ABLIM1: variants seen among roughly 807,000 people sequenced by gnomAD.
The protein encoded by ABLIM1 is actin-binding LIM protein 1.
Under a neutral mutation model 107.0 loss-of-function variants are expected in ABLIM1, and 40 were observed. The observed-to-expected ratio is 0.37, with a 90% CI of 0.29 to 0.49. The LOEUF (loss-of-function observed/expected upper bound fraction) is 0.49. ABLIM1 is among the 20% of genes least tolerant of loss of function. The pLI, the probability that ABLIM1 is intolerant of heterozygous loss-of-function variation, is 0.97. For synonymous variants in ABLIM1, 357 were observed against 357.3 expected (o/e 1.00, Z 0.01); for missense variants, 857 against 1,008.5 (o/e 0.85, Z 2.04).
chr10:114,772,256 T>A (rs1324516599), upstream of ABLIM1, among the ~76,000 whole-genome samples: 1 of 152,132 alleles, frequency 6.6e-6, no homozygotes, highest in Non-Finnish European at 1.5e-5. Flanking sequence ...CTCAGATTAG[T>A]CATATCCCTG....
chr10:114,537,010 C>A (rs1170170171), intron 6 of ABLIM1, among the ~76,000 whole-genome samples: 1 of 152,110 alleles, frequency 6.6e-6, no homozygotes, highest in Non-Finnish European at 1.5e-5. Context: ...GTAAACCAAC[C>A]AAGCAGTACA....
intron 8 of ABLIM1, chr10:114,485,361 G>C (rs773019057): frequency 6.2e-7 from 1 of 1,612,872 alleles, no homozygotes; most frequent in South Asian, 1.1e-5. Flanking sequence ...ATCGGATGAA[G>C]AACGCCGAAT....
chr10:114,568,275 T>C (rs992947874), intron 4 of ABLIM1, among the ~76,000 whole-genome samples: 3 of 150,808 alleles, frequency 2.0e-5, no homozygotes, highest in Non-Finnish European at 4.4e-5. Flanking sequence ...GGAAAAGAGC[T>C]AGGGCATGCG....
At chr10:114,718,086 G>GAAGC (rs2081737296) in intron 1 of ABLIM1, among the ~76,000 whole-genome samples, 2 of 89,530 alleles carry the variant, frequency 2.2e-5, no homozygotes, top group African/African-American at 3.3e-5. Flanking sequence ...AGGAAGGAAG[G>GAAGC]AAGGAAGGAA....
intron 8 of ABLIM1, among the ~76,000 whole-genome samples, chr10:114,475,069 G>A (rs562912947): frequency 2.6e-5 from 4 of 152,198 alleles, no homozygotes; most frequent in South Asian, 4.2e-4. Flanking sequence ...GTCTACTAGC[G>A]GCATGAGAAC....
At chr10:114,796,721 C>T in the ABLIM1 span, among the ~76,000 whole-genome samples, 1 of 152,148 alleles carries the variant, frequency 6.6e-6, no homozygotes, top group Non-Finnish European at 1.5e-5. Flanking sequence ...GTAATCTCCT[C>T]CCTCCCCACT....
chr10:114,556,475 C>T (rs2068744616), intron 4 of ABLIM1, among the ~76,000 whole-genome samples: 1 of 152,154 alleles, frequency 6.6e-6, no homozygotes, highest in African/African-American at 2.4e-5. Context: ...TGTTCTCATG[C>T]TTGAACTGAC....
upstream of ABLIM1, among the ~76,000 whole-genome samples, chr10:114,770,879 TG>T (rs2083016016): frequency 6.6e-6 from 1 of 152,242 alleles, no homozygotes; most frequent in South Asian, 2.1e-4. Context: ...TCACCCAGGT[TG>T]GAGTGCAGTG....
At chr10:114,527,338 T>G (rs1015267894) in intron 6 of ABLIM1, among the ~76,000 whole-genome samples, 3 of 152,234 alleles carry the variant, frequency 2.0e-5, no homozygotes, top group African/African-American at 7.2e-5. Flanking sequence ...CAGTACTGTC[T>G]GAGACAAATA....
At chr10:114,610,571 GA>G (rs2140215708) in intron 1 of ABLIM1, 1 of 152,250 alleles carries the variant, frequency 6.6e-6, no homozygotes, top group Non-Finnish European at 1.5e-5. Flanking sequence ...ATGGAGCCCA[GA>G]AAACAAGAAA....
At position 114,468,297 on chromosome 10, in the gene ABLIM1, T is replaced by C. The variant is rs138132630; in HGVS notation, c.1276-81A>G. 455 of 1,358,220 alleles carry C rather than the reference T, an allele frequency of 3.3e-4. No individual in the cohort carries two copies. The African/African-American group carries it at 5.1e-3, about 15-fold the overall frequency. 84.1% of individuals were successfully genotyped at this position (1,358,220 alleles called of 1,614,324 possible). On this transcript the variant is annotated intron_variant, in intron 10 of 22. Coordinates refer to ENST00000533213, the MANE Select transcript of ABLIM1 (RefSeq NM_002313.7). Reference sequence around the variant, plus strand: ...TGTTTGTTTGTTTGTTTGTTTGAGATGGAGTCTCGCTCTGTCGCCCAGGCT... The same window carrying C: ...TGTTTGTTTGTTTGTTTGTTTGAGACGGAGTCTCGCTCTGTCGCCCAGGCT...
chr10:114,680,112 G>A (rs1011975645), intron 1 of ABLIM1, among the ~76,000 whole-genome samples: 2 of 151,788 alleles, frequency 1.3e-5, no homozygotes, highest in South Asian at 2.1e-4. Context: ...ACTGTTCAAC[G>A]TTATAAATAA....
At chr10:114,557,715 C>A (rs1342930355) in intron 4 of ABLIM1, among the ~76,000 whole-genome samples, 1 of 132,936 alleles carries the variant, frequency 7.5e-6, no homozygotes, top group Non-Finnish European at 1.5e-5. Context: ...GAAATTGGCC[C>A]TTCTGGTCTT....
chr10:114,611,550 C>A (rs2076812039), intron 1 of ABLIM1, among the ~76,000 whole-genome samples: 1 of 152,066 alleles, frequency 6.6e-6, no homozygotes, highest in Non-Finnish European at 1.5e-5. Context: ...CCTTGCTATT[C>A]CTCCAAACAT....
chr10:114,444,929 G>A (rs2060788997), intron 16 of ABLIM1, among the ~76,000 whole-genome samples: 1 of 152,240 alleles, frequency 6.6e-6, no homozygotes, highest in African/African-American at 2.4e-5. Context: ...TCCTTCAGCA[G>A]AACTGCATGA....
At chr10:114,533,046 A>T (rs1315040268) in intron 6 of ABLIM1, among the ~76,000 whole-genome samples, 1 of 152,172 alleles carries the variant, frequency 6.6e-6, no homozygotes, top group Non-Finnish European at 1.5e-5. Flanking sequence ...ATTTTTAAAA[A>T]ATTTTTAAAC....
chr10:114,771,469 T>C (rs957179579), upstream of ABLIM1, among the ~76,000 whole-genome samples: 1 of 152,198 alleles, frequency 6.6e-6, no homozygotes, highest in Non-Finnish European at 1.5e-5. Flanking sequence ...CTTCTTCAGG[T>C]TAAGTATATA....
chr10:114,632,764 T>C, intron 1 of ABLIM1: 9 of 985,382 alleles, frequency 9.1e-6, no homozygotes, highest in Non-Finnish European at 1.1e-5. Context: ...CATCGGAGTT[T>C]TTAGACAAGC....
chr10:114,468,188 G>A lies in ABLIM1; in HGVS notation c.1304C>T (p.Ser435Leu). Residue 435 changes from serine to leucine, a missense_variant, in exon 11 of 23, where the codon TCA becomes TTA. By Grantham distance (145) the Ser-to-Leu change is moderately radical (BLOSUM62 -2). Coordinates refer to ENST00000533213, the MANE Select transcript of ABLIM1 (RefSeq NM_002313.7). ...ESPRTLSPTP[S>L]AEGYQDVRDR... is the part of the protein sequence containing the mutation. ...AAAAGAAATGGTACTTACTTCTGCT[G>A]ATGGAGTAGGAGACAAAGTCCTCGG... 6.2e-7 allele frequency: 1 copy of A among 1,613,030 alleles called. No individual in the cohort carries two copies. The highest frequency in any genetic ancestry group is 8.5e-7 in the Non-Finnish European group (1 of 1,178,962).
Sources: allele counts gnomAD v4.1 joint callset (sites outside exome capture counted in the v4.1 genomes callset), GRCh38; gene constraint gnomAD v4.1.1; transcripts MANE v1.5; gene names NCBI Gene and HGNC (gene_info 2026-07-23, HGNC 2026-07-21).